Variants in DKK2 observed in about 807,000 individuals in gnomAD.
DKK2 encodes the protein dickkopf-related protein 2.
In DKK2, 11 loss-of-function variants were observed where a neutral mutation model predicts 28.1. The observed-to-expected ratio is 0.39, with a 90% CI of 0.25 to 0.65. The LOEUF is 0.65. Among genes scored for constraint, DKK2 ranks in the 30% least tolerant of loss-of-function variants. The pLI, the probability that DKK2 is intolerant of heterozygous loss-of-function variation, is 0.47. For missense variants in DKK2, 326 were observed against 335.5 expected, an observed-to-expected ratio of 0.97 and a Z score of 0.22; for synonymous variants, 135 against 126.5, an observed-to-expected ratio of 1.07 and a Z score of -0.45.
At chr4:106,926,775 A>T (rs535817518) in intron 1 of DKK2, among the ~76,000 whole-genome samples, 1 of 151,532 alleles carries the variant, frequency 6.6e-6, no homozygotes, top group South Asian at 2.1e-4. Context: ...ATATTATCTT[A>T]AAAAAAAATA....
chr4:106,936,919 G>C (rs1451664118), intron 1 of DKK2, among the ~76,000 whole-genome samples: 1 of 151,524 alleles, frequency 6.6e-6, no homozygotes, highest in Non-Finnish European at 1.5e-5. Flanking sequence ...CAAATGCTGA[G>C]AGATTTTGTC....
intron 1 of DKK2, among the ~76,000 whole-genome samples, chr4:106,932,207 G>A (rs908130506): frequency 2.6e-5 from 4 of 152,084 alleles, no homozygotes; most frequent in South Asian, 2.1e-4. Context: ...TTTTTGATAC[G>A]AAAGATCAGA....
chr4:106,924,182 T>C lies in DKK2; in HGVS notation c.552A>G (p.Leu184=), dbSNP rs1159412882. 1 of 1,613,928 alleles carries C rather than the reference T, an allele frequency of 6.2e-7. No homozygotes were observed. Among genetic ancestry groups the C allele is most frequent in the Non-Finnish European group, 8.5e-7 (1 of 1,179,886 alleles). The change falls in exon 4 of 4, where the codon CTA becomes CTG. Residue 184 remains leucine (L), a synonymous_variant. Transcript: ENST00000285311. The part of the protein sequence containing the change: ...HIKGHEGDPC[L]RSSDCIEGFC... ...ACCCTTCAATGCAGTCTGATGATCG[T>C]AGGCAGGGGTCTCCTTCATGCCCTG... is the stretch of plus-strand genomic sequence containing the variant.
At chr4:106,965,333 A>T (rs1248709725) in intron 1 of DKK2, among the ~76,000 whole-genome samples, 1 of 152,126 alleles carries the variant, frequency 6.6e-6, no homozygotes, top group African/African-American at 2.4e-5. Flanking sequence ...AACTATGACA[A>T]CATAACCTTT....
At chr4:106,982,843 G>A (rs529201467) in intron 1 of DKK2, among the ~76,000 whole-genome samples, 2 of 147,298 alleles carry the variant, frequency 1.4e-5, no homozygotes, top group South Asian at 4.3e-4. Context: ...TTCACAACTA[G>A]CCTGGGCAAC....
chr4:107,026,130 T>C (rs1183790050), intron 1 of DKK2, among the ~76,000 whole-genome samples: 1 of 152,188 alleles, frequency 6.6e-6, no homozygotes, highest in Non-Finnish European at 1.5e-5. Context: ...TTCTGTGTCC[T>C]GCTTTAGTCT....
rs1381559088 is a variant in DKK2, at chr4:107,036,282, C to G, written c.-691G>C. On this transcript the variant is annotated 5_prime_UTR_variant, in exon 1 of 4. Transcript: ENST00000285311. ...CTAGGGAGCGGACTTGCGCTACGCT[C>G]GCCGCGGGCTCCCGCTTTCTCTCTC... 1 of 152,174 alleles carries G rather than the reference C, an allele frequency of 6.6e-6. No individual in the cohort carries two copies. Among genetic ancestry groups the G allele is most frequent in the Non-Finnish European group, 1.5e-5 (1 of 68,154 alleles). The allele number at this position is 152,174 out of a possible 1,614,324, so 9.4% of individuals were successfully genotyped here.
intron 1 of DKK2, among the ~76,000 whole-genome samples, chr4:107,024,799 T>TA (rs1157447799): frequency 1.3e-5 from 2 of 152,186 alleles, no homozygotes; most frequent in African/African-American, 4.8e-5. Context: ...TGCATATTTT[T>TA]AAAAAATAGG....
In DKK2 at chr4:107,035,910, C is replaced by A. The variant is rs77670282; in HGVS notation, c.-319G>T. 2,248 of 381,096 alleles carry A rather than the reference C, an allele frequency of 5.9e-3. 42 individuals carry two copies. The highest frequency in any genetic ancestry group is 0.041 in the African/African-American group (2,016 of 48,894). The allele number at this position is 381,096 out of a possible 1,614,324, so 23.6% of individuals were successfully genotyped here. On this transcript the variant is annotated 5_prime_UTR_variant, in exon 1 of 4. Transcript: ENST00000285311. ...TGCAAGAAAACCCAGCCCTGTGGAT[C>A]GCACCGCTTCCGTTCCTTCTTGCCC...
intron 1 of DKK2, among the ~76,000 whole-genome samples, chr4:106,940,956 T>A (rs1337901341): frequency 3.3e-5 from 5 of 151,258 alleles, no homozygotes. Flanking sequence ...TGGGGACTGT[T>A]GTGTGGTGGG....
intron 1 of DKK2, among the ~76,000 whole-genome samples, chr4:107,024,359 A>C (rs1723740515): frequency 6.6e-6 from 1 of 152,196 alleles, no homozygotes; most frequent in South Asian, 2.1e-4. Flanking sequence ...GCCTGCCTGC[A>C]AGAACAAAAA....
At chr4:107,011,729 A>T (rs936651430) in intron 1 of DKK2, among the ~76,000 whole-genome samples, 25 of 150,750 alleles carry the variant, frequency 1.7e-4, no homozygotes, top group African/African-American at 5.8e-4. Flanking sequence ...GTATAATTTT[A>T]TTTTGAGTGT....
At chr4:107,015,142 G>T (rs957531465) in intron 1 of DKK2, among the ~76,000 whole-genome samples, 1 of 151,444 alleles carries the variant, frequency 6.6e-6, no homozygotes, top group Non-Finnish European at 1.5e-5. Flanking sequence ...AGAATTATAA[G>T]ATATTGCCAA....
rs892773493 is a variant in DKK2 at position 107,035,878 on chromosome 4, C to A, written c.-287G>T. 7 of 473,538 alleles carry A rather than the reference C, an allele frequency of 1.5e-5. No homozygotes were observed. Among genetic ancestry groups the A allele is most frequent in the African/African-American group, 1.2e-4 (6 of 51,134 alleles). 29.3% of individuals were successfully genotyped at this position (473,538 alleles called of 1,614,324 possible). ...GCGCTTTCTCGCCAAGGAGGCGTGA[C>A]CCAAGGTGCAAGAAAACCCAGCCCT... On this transcript the variant is annotated 5_prime_UTR_variant, in exon 1 of 4. Transcript: ENST00000285311.
intron 1 of DKK2, among the ~76,000 whole-genome samples, chr4:107,030,498 A>T (rs1724056176): frequency 6.6e-6 from 1 of 152,044 alleles, no homozygotes; most frequent in Non-Finnish European, 1.5e-5. Context: ...GGGCTCAGGC[A>T]GACACAAATA....
intron 1 of DKK2, among the ~76,000 whole-genome samples, chr4:106,934,080 C>T (rs907696459): frequency 1.3e-5 from 2 of 151,262 alleles, no homozygotes; most frequent in Admixed American, 1.3e-4. Flanking sequence ...CACACACACA[C>T]ACACACATAT....
At chr4:106,934,717 TTGAAGAAACAGC>T (rs797013455) in intron 1 of DKK2, among the ~76,000 whole-genome samples, 4 of 152,332 alleles carry the variant, frequency 2.6e-5, no homozygotes, top group African/African-American at 9.6e-5. Context: ...TACTCTGCTT[TTGAAGAAACAGC>T]TGAAGGAAGC....
chr4:107,026,022 T>C (rs1203971300), intron 1 of DKK2, among the ~76,000 whole-genome samples: 2 of 152,190 alleles, frequency 1.3e-5, no homozygotes, highest in East Asian at 3.9e-4. Context: ...AGGCATTGAT[T>C]ATAGTACATT....
rs565067628 is a variant in DKK2, at chr4:106,924,638, G to A, written c.436C>T (p.Arg146Trp). ...TGACCGTGGTTTCGATCTCTGTGCC[G>A]AGTACCATCCAGAGCCGGGATGTGA... ...TPHIPALDGTRHRDRNHGHYS... is the reference protein window; with the variant it reads ...TPHIPALDGTWHRDRNHGHYS... The change falls in exon 3 of 4, where the codon CGG (arginine) becomes TGG (tryptophan). Residue 146 changes from arginine to tryptophan, a missense_variant. By Grantham distance (101) the Arg-to-Trp change is moderately radical (BLOSUM62 -3). Coordinates refer to ENST00000285311, the MANE Select transcript of DKK2 (RefSeq NM_014421.3). 4.3e-5 allele frequency: 69 copies of A among 1,613,856 alleles called. No individual in the cohort carries two copies. Among genetic ancestry groups the A allele is most frequent in the African/African-American group, 9.3e-5 (7 of 75,004 alleles).
Sources: allele counts gnomAD v4.1 joint callset (sites outside exome capture counted in the v4.1 genomes callset), GRCh38; gene constraint gnomAD v4.1.1; transcripts MANE v1.5; gene names NCBI Gene and HGNC (gene_info 2026-07-23, HGNC 2026-07-21).